Variants in MAGI2 observed in about 807,000 individuals in gnomAD.
MAGI2 encodes membrane associated guanylate kinase, WW and PDZ domain containing 2.
In MAGI2, 35 loss-of-function variants were observed where a neutral mutation model predicts 133.3. The ratio of observed to expected loss-of-function variants is 0.26; its 90% CI spans 0.20 to 0.35. MAGI2 has a LOEUF of 0.35. Among genes scored for constraint, MAGI2 ranks in the 10% least tolerant of loss-of-function variants. MAGI2 has a pLI of 1.00. For missense variants in MAGI2, 1,636 were observed against 1,863.4 expected (o/e 0.88, Z 2.25); for synonymous variants, 729 against 710.6 (o/e 1.03, Z -0.41).
At chr7:78,328,994 A>G (rs1266433715) in intron 9 of MAGI2, among the ~76,000 whole-genome samples, 2 of 152,214 alleles carry the variant, frequency 1.3e-5, no homozygotes, top group African/African-American at 4.8e-5. Flanking sequence ...TCAATATTTC[A>G]TATACGTAGT....
chr7:79,073,966 C>A (rs1815230447), intron 1 of MAGI2, among the ~76,000 whole-genome samples: 1 of 152,070 alleles, frequency 6.6e-6, no homozygotes, highest in Admixed American at 6.6e-5. Context: ...GAGACAACCT[C>A]ATAGATTTTC....
At chr7:79,221,449 T>A (rs900626598) in intron 1 of MAGI2, among the ~76,000 whole-genome samples, 1 of 151,968 alleles carries the variant, frequency 6.6e-6, no homozygotes, top group Non-Finnish European at 1.5e-5. Flanking sequence ...TGGTAGGTAA[T>A]GCACAGCTGT....
At chr7:78,897,543 T>C (rs1797303920) in intron 2 of MAGI2, among the ~76,000 whole-genome samples, 1 of 152,226 alleles carries the variant, frequency 6.6e-6, no homozygotes, top group Non-Finnish European at 1.5e-5. Context: ...TTAAACACAC[T>C]ATATTAAAAT....
chr7:78,706,154 C>A (rs562895921), intron 2 of MAGI2, among the ~76,000 whole-genome samples: 6 of 152,186 alleles, frequency 3.9e-5, no homozygotes, highest in East Asian at 1.9e-4. Flanking sequence ...GTGTCCCCCC[C>A]CAAATCTCAA....
chr7:78,124,861 C>CTTTTTTTTTTTTTTTTTT (rs10707820), intron 20 of MAGI2, among the ~76,000 whole-genome samples: 1 of 137,430 alleles, frequency 7.3e-6, no homozygotes, highest in Non-Finnish European at 1.6e-5. Context: ...TAGCTGCTGT[C>CTTTTTTTTTTTTTTTTTT]TTTTTTTTTT....
At chr7:78,841,624 C>G (rs1792150276) in intron 2 of MAGI2, among the ~76,000 whole-genome samples, 2 of 151,984 alleles carry the variant, frequency 1.3e-5, no homozygotes, top group Admixed American at 6.6e-5. Flanking sequence ...CAACTTCCAA[C>G]TGAATATCTA....
intron 1 of MAGI2, among the ~76,000 whole-genome samples, chr7:79,310,986 C>T (rs1239672756): frequency 6.6e-6 from 1 of 151,824 alleles, no homozygotes; most frequent in Non-Finnish European, 1.5e-5. Context: ...ATTTCACTCT[C>T]CTCTTCAGTT....
intron 2 of MAGI2, among the ~76,000 whole-genome samples, chr7:78,720,834 AC>A (rs1214597200): frequency 2.0e-5 from 3 of 152,242 alleles, no homozygotes; most frequent in African/African-American, 7.2e-5. Flanking sequence ...CAAATAGACA[AC>A]CCTTGGATCT....
At chr7:78,213,803 G>A (rs1276102283) in intron 10 of MAGI2, among the ~76,000 whole-genome samples, 2 of 152,188 alleles carry the variant, frequency 1.3e-5, no homozygotes, top group African/African-American at 4.8e-5. Flanking sequence ...TGGTTTGAGG[G>A]CTGCCTGATT....
intron 6 of MAGI2, among the ~76,000 whole-genome samples, chr7:78,395,613 G>A (rs1796277090): frequency 6.6e-6 from 1 of 152,176 alleles, no homozygotes; most frequent in South Asian, 2.1e-4. Context: ...TAATTCAGCA[G>A]TATAGATATT....
intron 1 of MAGI2, among the ~76,000 whole-genome samples, chr7:79,043,177 CACA>C (rs1811832021): frequency 1.3e-5 from 2 of 151,630 alleles, no homozygotes; most frequent in African/African-American, 4.9e-5. Context: ...GAGGAACTAG[CACA>C]ACAAGAGCAA....
intron 2 of MAGI2, among the ~76,000 whole-genome samples, chr7:78,885,887 C>A (rs2151555586): frequency 6.6e-6 from 1 of 152,230 alleles, no homozygotes; most frequent in African/African-American, 2.4e-5. Flanking sequence ...AAACACATTT[C>A]AGCTCTTTGG....
At position 78,917,717 on chromosome 7, in the gene MAGI2, T is replaced by C. The variant is rs575466849; in HGVS notation, c.418+89373A>G. Among the ~76,000 whole-genome samples, 4 of 152,218 alleles carry C rather than the reference T, an allele frequency of 2.6e-5. No homozygotes were observed. In the South Asian group the frequency reaches 8.3e-4, roughly 32 times the overall value. On this transcript the variant is annotated intron_variant, in intron 2 of 21. Transcript: ENST00000354212. ...AATTGCAAGTCATGGGCCACTTACATATCTGACAGACACCGGCCATAAATT... is the reference window on the plus strand; with the variant it reads ...AATTGCAAGTCATGGGCCACTTACACATCTGACAGACACCGGCCATAAATT...
chr7:79,235,329 G>A (rs543060121), intron 1 of MAGI2, among the ~76,000 whole-genome samples: 3 of 152,136 alleles, frequency 2.0e-5, no homozygotes, highest in Admixed American at 2.0e-4. Context: ...CACCCAGTTC[G>A]AGCTTCCCGG....
intron 20 of MAGI2, among the ~76,000 whole-genome samples, chr7:78,079,999 A>G (rs575058331): frequency 9.8e-4 from 150 of 152,338 alleles, no homozygotes; most frequent in African/African-American, 3.5e-3. Context: ...CAAAAATGCT[A>G]TTTTAGTTAG....
intron 20 of MAGI2, among the ~76,000 whole-genome samples, chr7:78,115,199 C>T (rs754955025): frequency 4.0e-4 from 60 of 151,750 alleles, no homozygotes; most frequent in Non-Finnish European, 7.4e-4. Flanking sequence ...GATGACTAGG[C>T]AATAATGATA....
chr7:78,194,784 A>C (rs1828567131), intron 12 of MAGI2, 90 bp downstream of exon 12: 6 of 1,136,184 alleles, frequency 5.3e-6, no homozygotes, highest in Admixed American at 2.7e-5. Flanking sequence ...CAGAATATAA[A>C]ACCATGCCAG....
At chr7:78,302,250 C>A (rs1376429997) in intron 9 of MAGI2, among the ~76,000 whole-genome samples, 3 of 152,166 alleles carry the variant, frequency 2.0e-5, no homozygotes, top group Non-Finnish European at 1.5e-5. Flanking sequence ...ATATGCCAAA[C>A]TCAGTAGACT....
rs558867083 is a variant in MAGI2, at chr7:78,236,285, G to C, written c.2047+19658C>G. On this transcript the variant is annotated intron_variant, in intron 10 of 21. Transcript: ENST00000354212. The stretch of plus-strand genomic sequence containing the variant: ...ACTTGGTACATGACCAAAGAGAATC[G>C]AATGATGATAGGTTGCTTGAAAAGC... 2.6e-5 allele frequency among the ~76,000 whole-genome samples: 4 copies of C among 152,074 alleles called. No individual in the cohort carries two copies. The South Asian group carries it at 8.3e-4, about 31-fold the overall frequency.
Sources: allele counts gnomAD v4.1 joint callset (sites outside exome capture counted in the v4.1 genomes callset), GRCh38; gene constraint gnomAD v4.1.1; transcripts MANE v1.5; gene names NCBI Gene and HGNC (gene_info 2026-07-23, HGNC 2026-07-21).